MYO1D: variants seen among roughly 807,000 people sequenced by gnomAD.
The protein encoded by MYO1D is myosin ID, also known as unconventional myosin-Id.
A neutral mutation model predicts 122.0 loss-of-function variants in MYO1D; 83 were observed. The ratio of observed to expected loss-of-function variants is 0.68; its 90% CI spans 0.57 to 0.82. The LOEUF (loss-of-function observed/expected upper bound fraction) is 0.82. MYO1D is among the 40% of genes least tolerant of loss of function. The probability of loss-of-function intolerance (pLI) is 0.00; values close to 1 mark genes in which losing one functional copy is unlikely to be tolerated. For missense variants in MYO1D, 1,157 were observed against 1,269.5 expected, an observed-to-expected ratio of 0.91 and a Z score of 1.35; for synonymous variants, 464 against 446.9, an observed-to-expected ratio of 1.04 and a Z score of -0.48.
chr17:32,504,939 C>T (rs920948609), intron 21 of MYO1D: 9 of 152,566 alleles, frequency 5.9e-5, no homozygotes, highest in African/African-American at 1.9e-4. Context: ...GCTCCTTCTC[C>T]ACTGCCGACA....
intron 1 of MYO1D, among the ~76,000 whole-genome samples, chr17:32,852,932 T>G (rs1181852926): frequency 6.6e-6 from 1 of 152,194 alleles, no homozygotes; most frequent in East Asian, 1.9e-4. Context: ...TACAGATGAC[T>G]GTAACACCTA....
At position 32,647,376 on chromosome 17, in the gene MYO1D, T is replaced by TTTTGC. The variant is rs558173235; in HGVS notation, c.2595+6462_2595+6466dup. On this transcript the variant is annotated intron_variant, in intron 19 of 21. Transcript: ENST00000318217. ...TAAGCTATAGGGTGAACAAAGAGTATTTTGCTTTGAACTTGGAAATACAGG... is the reference window on the plus strand; with the variant it reads ...TAAGCTATAGGGTGAACAAAGAGTATTTTGCTTTGCTTTGAACTTGGAAATACAGG... Among the ~76,000 whole-genome samples the TTTTGC allele has an allele frequency of 2.6e-5, 4 of 152,330 alleles. No individual in the cohort carries two copies. In the East Asian group the frequency reaches 7.7e-4, roughly 29 times the overall value.
chr17:32,711,843 A>G, intron 16 of MYO1D, 145 bp downstream of exon 16: 1 of 670,390 alleles, frequency 1.5e-6, no homozygotes, highest in Non-Finnish European at 2.4e-6. Flanking sequence ...TCCATGTGTG[A>G]AGGCAACAGA....
chr17:32,656,742 C>T (rs1007378005), intron 17 of MYO1D, among the ~76,000 whole-genome samples: 2 of 152,204 alleles, frequency 1.3e-5, no homozygotes, highest in Non-Finnish European at 2.9e-5. Flanking sequence ...AGACTTAGAG[C>T]AGTTGGTGGT....
At chr17:32,724,699 T>G (rs2150994045) in intron 14 of MYO1D, among the ~76,000 whole-genome samples, 1 of 152,252 alleles carries the variant, frequency 6.6e-6, no homozygotes, top group South Asian at 2.1e-4. Flanking sequence ...CCCCTCTCAC[T>G]TTGGGTTAGG....
At chr17:32,662,045 C>T (rs1297717325) in intron 16 of MYO1D, among the ~76,000 whole-genome samples, 1 of 152,174 alleles carries the variant, frequency 6.6e-6, no homozygotes, top group Non-Finnish European at 1.5e-5. Context: ...AATGCTCTTA[C>T]AGACCCATCA....
In MYO1D at chr17:32,683,362, T is replaced by C. The variant is rs537800741; in HGVS notation, c.2122-24024A>G. On this transcript the variant is annotated intron_variant, in intron 16 of 21. Transcript: ENST00000318217. ...GTTTCCAGTTTTTCTGTTCTGTTTT[T>C]TCCCCATCTTTGTGGTTTTATCTAC... is the stretch of plus-strand genomic sequence containing the variant. Among the ~76,000 whole-genome samples the C allele has an allele frequency of 5.9e-5, 9 of 152,372 alleles. No individual in the cohort carries two copies. In the East Asian group the frequency reaches 1.3e-3, roughly 23 times the overall value.
At chr17:32,864,311 C>T (rs1356460776) in intron 1 of MYO1D, among the ~76,000 whole-genome samples, 1 of 151,668 alleles carries the variant, frequency 6.6e-6, no homozygotes, top group Non-Finnish European at 1.5e-5. Context: ...AAGCACCAAT[C>T]TAAACAAGCT....
intron 1 of MYO1D, among the ~76,000 whole-genome samples, chr17:32,825,294 T>G (rs528850813): frequency 6.6e-6 from 1 of 152,100 alleles, no homozygotes; most frequent in South Asian, 2.1e-4. Flanking sequence ...TTTATCTTAT[T>G]TTATTTTATT....
At position 32,668,930 on chromosome 17, in the gene MYO1D, C is replaced by CT. The variant is rs553570421; in HGVS notation, c.2122-9593dup. ...TGTTAGCCAGGATGGTCTTGATCTC[C>CT]TGACCTCATGATCCACCCGCTTTGG... On this transcript the variant is annotated intron_variant, in intron 16 of 21. Transcript: ENST00000318217. 3.4e-3 allele frequency among the ~76,000 whole-genome samples: 510 copies of CT among 152,158 alleles called. 1 individual carries two copies. The highest frequency in any genetic ancestry group is 0.012 in the African/African-American group (485 of 41,506).
At chr17:32,709,113 T>C (rs1392838366) in intron 16 of MYO1D, among the ~76,000 whole-genome samples, 1 of 152,172 alleles carries the variant, frequency 6.6e-6, no homozygotes, top group Non-Finnish European at 1.5e-5. Context: ...ACTATCGCTG[T>C]AGATTTAAAA....
At chr17:32,730,113 T>C (rs923211571) in intron 14 of MYO1D, among the ~76,000 whole-genome samples, 2 of 151,474 alleles carry the variant, frequency 1.3e-5, no homozygotes, top group Admixed American at 1.3e-4. Context: ...GGATTCTTTG[T>C]TTTTATTGTT....
intron 1 of MYO1D, among the ~76,000 whole-genome samples, chr17:32,867,153 C>T (rs993919355): frequency 3.3e-5 from 5 of 151,614 alleles, no homozygotes; most frequent in African/African-American, 9.7e-5. Flanking sequence ...TGGTGAAATC[C>T]CATCTCTACT....
At chr17:32,562,138 A>G (rs1277320681) in intron 21 of MYO1D, among the ~76,000 whole-genome samples, 1 of 152,114 alleles carries the variant, frequency 6.6e-6, no homozygotes, top group South Asian at 2.1e-4. Context: ...CTACAGGTGC[A>G]TGCCACCACG....
At chr17:32,799,143 A>C (rs2090440773) in intron 1 of MYO1D, among the ~76,000 whole-genome samples, 1 of 152,230 alleles carries the variant, frequency 6.6e-6, no homozygotes, top group Non-Finnish European at 1.5e-5. Flanking sequence ...GACATCAGGA[A>C]GTGAACTAAG....
chr17:32,569,948 C>G (rs1228792597), intron 21 of MYO1D, among the ~76,000 whole-genome samples: 1 of 152,192 alleles, frequency 6.6e-6, no homozygotes, highest in East Asian at 1.9e-4. Flanking sequence ...GAAGAAACCA[C>G]AGCAGATGCA....
At chr17:32,736,927 C>T (rs1206461574) in intron 14 of MYO1D, among the ~76,000 whole-genome samples, 1 of 152,178 alleles carries the variant, frequency 6.6e-6, no homozygotes, top group Non-Finnish European at 1.5e-5. Flanking sequence ...TGCCAGTGTC[C>T]TTACCCCTGC....
At chr17:32,717,321 T>A (rs1460871196) in intron 15 of MYO1D, among the ~76,000 whole-genome samples, 2 of 152,248 alleles carry the variant, frequency 1.3e-5, no homozygotes, top group African/African-American at 4.8e-5. Context: ...TAGGACAAAA[T>A]CTTTAATTAT....
intron 21 of MYO1D, among the ~76,000 whole-genome samples, chr17:32,572,355 C>A (rs2087239365): frequency 6.6e-6 from 1 of 152,160 alleles, no homozygotes; most frequent in East Asian, 1.9e-4. Context: ...AAGTACCCCA[C>A]TCTCAGCCAG....
Sources: gnomAD v4.1 joint callset for allele counts (sites outside exome capture counted in the v4.1 genomes callset) on GRCh38, gnomAD v4.1.1 for gene constraint, MANE v1.5 for transcripts, NCBI Gene and HGNC (gene_info 2026-07-23, HGNC 2026-07-21) for gene names.